The following ANO7 variants were observed in gnomAD, a reference collection of about 807,000 sequenced individuals.
The protein encoded by ANO7 is anoctamin-7.
A neutral mutation model predicts 115.8 loss-of-function variants in ANO7; 114 were observed. The ratio of observed to expected loss-of-function variants is 0.98; its 90% CI spans 0.85 to 1.15. The LOEUF (loss-of-function observed/expected upper bound fraction) is 1.15. Ranked by LOEUF, ANO7 falls within the 50% of genes most tolerant of loss-of-function variation. The pLI is 0.00. For synonymous variants in ANO7, 550 were observed against 498.2 expected (o/e 1.10, Z -1.38); for missense variants, 1,302 against 1,201.2 (o/e 1.08, Z -1.24).
intron 21 of ANO7, among the ~76,000 whole-genome samples, chr2:241,220,148 T>C (rs2068974846): frequency 1.3e-5 from 2 of 152,374 alleles, no homozygotes; most frequent in South Asian, 4.1e-4. Flanking sequence ...GAGTCTTTTT[T>C]TTCTTGCTGA....
At chr2:241,232,475 C>G in the ANO7 span, among the ~76,000 whole-genome samples, 1 of 152,090 alleles carries the variant, frequency 6.6e-6, no homozygotes, top group East Asian at 1.9e-4. Context: ...AGGCTTTCGC[C>G]ATGTTGGTCA....
intron 2 of ANO7, 33 bp downstream of exon 2, chr2:241,190,204 G>A: frequency 2.6e-6 from 4 of 1,531,986 alleles, no homozygotes; most frequent in Non-Finnish European, 3.5e-6. Context: ...GGTGCGACTT[G>A]AGAGGTCCTC....
rs6720362 is a variant in ANO7 at position 241,208,462 on chromosome 2, G to A, written c.1077+792G>A. 2.6e-5 allele frequency among the ~76,000 whole-genome samples: 4 copies of A among 152,192 alleles called. No individual in the cohort carries two copies. In the South Asian group the frequency reaches 6.2e-4, roughly 24 times the overall value. On this transcript the variant is annotated intron_variant, in intron 11 of 24. Coordinates refer to ENST00000674324, the MANE Select transcript of ANO7 (RefSeq NM_001370694.2). The stretch of plus-strand genomic sequence containing the variant: ...ACCTGGCCTTCCCTTCTGTGTCTGC[G>A]TGCTGGTTCCTCTTCTCCCCTCTTG...
chr2:241,226,596 T>C (rs1367899841), downstream of ANO7, among the ~76,000 whole-genome samples: 1 of 152,078 alleles, frequency 6.6e-6, no homozygotes, highest in Non-Finnish European at 1.5e-5. Context: ...AGCTAATTTT[T>C]TGCATTTTTA....
the ANO7 span, chr2:241,236,817 C>T: frequency 6.3e-7 from 1 of 1,592,300 alleles, no homozygotes; most frequent in Non-Finnish European, 8.6e-7. Flanking sequence ...TGGAAGAGAC[C>T]CCACACCTTG....
chr2:241,192,154 T>C (rs1294985705), intron 3 of ANO7, among the ~76,000 whole-genome samples: 2 of 152,166 alleles, frequency 1.3e-5, no homozygotes, highest in East Asian at 1.9e-4. Context: ...CTGATCAACA[T>C]GGAGAAACTA....
chr2:241,236,665 T>A, the ANO7 span: 33 of 1,613,920 alleles, frequency 2.0e-5, no homozygotes, highest in Non-Finnish European at 2.5e-5. Flanking sequence ...CCAGAGATGA[T>A]GATGATGTCA....
At position 241,210,448 on chromosome 2, in the gene ANO7, G is replaced by C. The variant is rs1218493588; in HGVS notation, c.1459-20G>C. ...CCTGAGCGGCCCCTCATCCGGCTCT[G>C]ACGGCCTGTCTCCCGTTAGGCCTCT... is the stretch of plus-strand genomic sequence containing the variant. On this transcript the variant is annotated intron_variant, in intron 14 of 24. Transcript: ENST00000674324. 1 of 1,613,900 alleles carries C rather than the reference G, an allele frequency of 6.2e-7. No individual in the cohort carries two copies. The highest frequency in any genetic ancestry group is 8.5e-7 in the Non-Finnish European group (1 of 1,179,934).
intron 4 of ANO7, among the ~76,000 whole-genome samples, chr2:241,197,919 G>A (rs1366111691): frequency 3.9e-5 from 6 of 152,144 alleles, no homozygotes; most frequent in East Asian, 1.9e-4. Context: ...CCAAAGTGCC[G>A]GGATCACAGG....
At chr2:241,209,243 C>T in intron 11 of ANO7, 42 bp from the exon 12 acceptor site, 2 of 1,529,370 alleles carry the variant, frequency 1.3e-6, no homozygotes, top group Non-Finnish European at 1.8e-6. Flanking sequence ...CAAGGGGCCT[C>T]CAGTCCCAAG....
In ANO7 at chr2:241,203,465, G is replaced by A. The variant is rs759973631; in HGVS notation, c.856G>A (p.Gly286Arg). Residue 286 changes from glycine to arginine, a missense_variant, in exon 9 of 25, where the codon GGG becomes AGG. Transcript: ENST00000674324. The surrounding 1 kb of genome is among the most constrained non-coding windows in gnomAD (Gnocchi z 4.8). ...CCTGGACCACGTGCGCAGGTACTTCGGGGAGAAGGTGGCCCTCTACTTCGC... is the reference window on the plus strand; with the variant it reads ...CCTGGACCACGTGCGCAGGTACTTCAGGGAGAAGGTGGCCCTCTACTTCGC... The part of the protein sequence containing the change: ...QPLDHVRRYF[G>R]EKVALYFAWL... 27 of 1,563,966 alleles carry A rather than the reference G, an allele frequency of 1.7e-5. No homozygotes were observed. Among genetic ancestry groups the A allele is most frequent in the Middle Eastern group, 1.7e-4 (1 of 5,878 alleles).
chr2:241,195,707 C>G lies in ANO7; in HGVS notation c.171C>G (p.Asp57Glu), dbSNP rs1408881995. 6.2e-7 allele frequency: 1 copy of G among 1,614,090 alleles called. No homozygotes were observed. The highest frequency in any genetic ancestry group is 1.3e-5 in the African/African-American group (1 of 75,086). Reference sequence around the variant, plus strand: ...TCTGTCCCTGTTGGCTCCCAGCAGACTTCGTCCTCGTTTGGGAGGAGGACC... The same window carrying G: ...TCTGTCCCTGTTGGCTCCCAGCAGAGTTCGTCCTCGTTTGGGAGGAGGACC... The part of the protein sequence containing the change: ...AGSPAKPRIA[D>E]FVLVWEEDLK... Residue 57 changes from aspartate to glutamate, a missense_variant, in exon 4 of 25, where the codon GAC becomes GAG. By Grantham distance (45) the Asp-to-Glu change is conservative. Coordinates refer to ENST00000674324, the MANE Select transcript of ANO7 (RefSeq NM_001370694.2).
chr2:241,225,664 GC>G lies in ANO7; in HGVS notation c.*1512del, dbSNP rs1333649915. ...ACCCACCGTGATGCCTGGCCTGAGG[GC>G]GGCGTGCTTGCTTGTAGCATTTCTT... is the stretch of plus-strand genomic sequence containing the variant. On this transcript the variant is annotated 3_prime_UTR_variant, in exon 25 of 25. Transcript: ENST00000674324. 1.3e-5 allele frequency among the ~76,000 whole-genome samples: 2 copies of G among 148,666 alleles called. No individual in the cohort carries two copies. Among genetic ancestry groups the G allele is most frequent in the Admixed American group, 1.3e-4 (2 of 15,172 alleles).
In ANO7 at chr2:241,217,832, G is replaced by A. The variant is rs141288203; in HGVS notation, c.2119G>A (p.Asp707Asn). 21 of 1,608,906 alleles carry A rather than the reference G, an allele frequency of 1.3e-5. No individual in the cohort carries two copies. Among genetic ancestry groups the A allele is most frequent in the South Asian group, 3.3e-5 (3 of 90,696 alleles). ...GCGCCCGGTGGCCGAGCGCGCCCAG[G>A]ACATCGGCATCTGGTTCCACATCCT... ...YRRPVAERAQ[D>N]IGIWFHILAG... Residue 707 changes from aspartate (D) to asparagine (N), a missense_variant, in exon 20 of 25, where the codon GAC (aspartate) becomes AAC (asparagine). Physicochemically the swap from Asp to Asn is conservative, Grantham distance 23. Transcript: ENST00000674324.
intron 4 of ANO7, among the ~76,000 whole-genome samples, chr2:241,196,739 A>G (rs776504633): frequency 6.6e-6 from 1 of 152,186 alleles, no homozygotes; most frequent in Non-Finnish European, 1.5e-5. Context: ...GGCAGCTCAC[A>G]TGTGAATGCC....
the ANO7 span, chr2:241,231,100 C>A: frequency 3.0e-6 from 2 of 657,878 alleles, no homozygotes; most frequent in Admixed American, 5.5e-5. Flanking sequence ...AATGTCCACT[C>A]AGGGCCGGGC....
the ANO7 span, chr2:241,236,731 C>T: frequency 2.0e-5 from 33 of 1,614,030 alleles, no homozygotes; most frequent in Non-Finnish European, 2.7e-5. Context: ...TCCCCAGCTT[C>T]GTCCCCATTC....
intron 18 of ANO7, 40 bp downstream of exon 18, chr2:241,214,942 G>A (rs750388063): frequency 3.3e-5 from 52 of 1,582,652 alleles, no homozygotes; most frequent in East Asian, 1.6e-4. Context: ...TCCAAGGACC[G>A]AGGGACCCCA....
the ANO7 span, chr2:241,231,188 C>G: frequency 2.3e-6 from 1 of 429,770 alleles, no homozygotes; most frequent in Non-Finnish European, 4.3e-6. Context: ...AATTCGTGAC[C>G]AGCCTGACCA....
Sources: allele counts gnomAD v4.1 joint callset (sites outside exome capture counted in the v4.1 genomes callset), GRCh38; gene constraint gnomAD v4.1.1; non-coding constraint Gnocchi (gnomAD v3.1); transcripts MANE v1.5; gene names NCBI Gene and HGNC (gene_info 2026-07-23, HGNC 2026-07-21).